SVIL: variants seen among roughly 807,000 people sequenced by gnomAD.
The protein encoded by SVIL is archvillin.
SVIL carries 101 observed loss-of-function variants against 240.4 expected under a neutral mutation model. The observed-to-expected ratio is 0.42, with a 90% CI of 0.36 to 0.50. The LOEUF (loss-of-function observed/expected upper bound fraction) is 0.50, where lower values mean the gene tolerates loss of function less well. Among genes scored for constraint, SVIL ranks in the 20% least tolerant of loss-of-function variants. The probability of loss-of-function intolerance (pLI) is 0.01; values close to 1 mark genes in which losing one functional copy is unlikely to be tolerated. For missense variants in SVIL, 2,512 were observed against 2,818.7 expected, an observed-to-expected ratio of 0.89 and a Z score of 2.46; for synonymous variants, 999 against 1,100.0, an observed-to-expected ratio of 0.91 and a Z score of 1.82.
At chr10:29,565,018 C>T (rs1954849727) in intron 2 of SVIL, among the ~76,000 whole-genome samples, 1 of 133,442 alleles carries the variant, frequency 7.5e-6, no homozygotes, top group Non-Finnish European at 1.7e-5. Context: ...ATTTAAACAT[C>T]TTGACAAAGC....
chr10:29,538,927 G>T (rs933154227), intron 6 of SVIL, among the ~76,000 whole-genome samples: 1 of 152,206 alleles, frequency 6.6e-6, no homozygotes, highest in Non-Finnish European at 1.5e-5. Flanking sequence ...CCTTTTGGAG[G>T]CTGAGGCAGG....
At chr10:29,513,451 G>A (rs917602237) in intron 16 of SVIL, among the ~76,000 whole-genome samples, 7 of 152,066 alleles carry the variant, frequency 4.6e-5, no homozygotes, top group African/African-American at 1.7e-4. Context: ...CACAAGAATC[G>A]CTTGAACCTG....
intron 17 of SVIL, among the ~76,000 whole-genome samples, chr10:29,501,107 C>T (rs7906981): frequency 0.27 from 41,205 of 150,268 alleles, 5,972 homozygotes; most frequent in South Asian, 0.36. Flanking sequence ...GAAGTGATTT[C>T]GAGGTCCCTG....
chr10:29,680,089 G>A (rs1589502362), intron 2 of SVIL, among the ~76,000 whole-genome samples: 2 of 152,274 alleles, frequency 1.3e-5, no homozygotes. Flanking sequence ...GGGGGCTTAG[G>A]TGGGAGGATC....
At chr10:29,510,322 C>T (rs998064540) in intron 17 of SVIL, among the ~76,000 whole-genome samples, 4 of 152,232 alleles carry the variant, frequency 2.6e-5, no homozygotes, top group Admixed American at 1.3e-4. Flanking sequence ...CATCCTTTAT[C>T]GTACTTTTTT....
intron 16 of SVIL, among the ~76,000 whole-genome samples, chr10:29,514,937 C>T (rs181853344): frequency 2.6e-5 from 4 of 152,304 alleles, no homozygotes; most frequent in African/African-American, 4.8e-5. Flanking sequence ...GCGACATCTA[C>T]GTATGTGTAC....
chr10:29,705,799 C>G (rs1564344228), intron 1 of SVIL, among the ~76,000 whole-genome samples: 1 of 152,144 alleles, frequency 6.6e-6, no homozygotes, highest in Non-Finnish European at 1.5e-5. Flanking sequence ...CATCCATGTC[C>G]CTGCAAAGGA....
At chr10:29,529,259 G>A (rs1205334208) in intron 12 of SVIL, among the ~76,000 whole-genome samples, 3 of 149,624 alleles carry the variant, frequency 2.0e-5, no homozygotes, top group Non-Finnish European at 4.4e-5. Flanking sequence ...TTATCTTTTA[G>A]AGGGGCGTAC....
At chr10:29,619,510 T>C (rs530442661) in intron 1 of SVIL, among the ~76,000 whole-genome samples, 1 of 152,200 alleles carries the variant, frequency 6.6e-6, no homozygotes, top group Non-Finnish European at 1.5e-5. Flanking sequence ...AAAGCTGGAA[T>C]GGAGAGCTCC....
chr10:29,472,302 A>G (rs1036315901), intron 30 of SVIL, among the ~76,000 whole-genome samples: 1 of 152,238 alleles, frequency 6.6e-6, no homozygotes, highest in African/African-American at 2.4e-5. Context: ...ATAAATTAAA[A>G]TGCAACTCTT....
chr10:29,589,257 C>T (rs990480921), intron 1 of SVIL, among the ~76,000 whole-genome samples: 9 of 152,196 alleles, frequency 5.9e-5, no homozygotes, highest in African/African-American at 1.7e-4. Flanking sequence ...ATCACATCAT[C>T]GCCCGCACGG....
chr10:29,495,381 T>G (rs2132418164), intron 18 of SVIL, among the ~76,000 whole-genome samples, 200 bp from the exon 19 acceptor site: 1 of 152,072 alleles, frequency 6.6e-6, no homozygotes, highest in Non-Finnish European at 1.5e-5. Flanking sequence ...ATTTTATTAT[T>G]TCCAAGGACT....
chr10:29,480,130 AT>A (rs1256285163), intron 29 of SVIL, among the ~76,000 whole-genome samples: 1 of 152,194 alleles, frequency 6.6e-6, no homozygotes, highest in East Asian at 1.9e-4. Flanking sequence ...TTACAGCACC[AT>A]TTGGTTCCAG....
At chr10:29,531,860 A>G in intron 9 of SVIL, 142 bp downstream of exon 9, 1 of 1,008,266 alleles carries the variant, frequency 9.9e-7, no homozygotes, top group East Asian at 2.4e-5. Context: ...AATAAGCCAA[A>G]TAAATAACGC....
chr10:29,646,325 C>T (rs944411187), intron 3 of SVIL, among the ~76,000 whole-genome samples: 1 of 152,162 alleles, frequency 6.6e-6, no homozygotes, highest in Non-Finnish European at 1.5e-5. Context: ...AGATTTTCCT[C>T]ATTAAGCAGT....
In SVIL at chr10:29,485,334, T is replaced by G. The variant is rs537240437; in HGVS notation, c.4780-503A>C. Reference sequence around the variant, plus strand: ...CATACAGGAGGGGTTGATTACTAAGTGTTTGCTGAATGAATACATGAATGT... The same window carrying G: ...CATACAGGAGGGGTTGATTACTAAGGGTTTGCTGAATGAATACATGAATGT... On this transcript the variant is annotated intron_variant, in intron 26 of 37. Coordinates refer to ENST00000355867, the MANE Select transcript of SVIL (RefSeq NM_021738.3). 8.5e-5 allele frequency among the ~76,000 whole-genome samples: 13 copies of G among 152,196 alleles called. No homozygotes were observed. In the South Asian group the frequency reaches 2.7e-3, roughly 32 times the overall value.
chr10:29,629,008 A>C (rs1957982706), intron 1 of SVIL, among the ~76,000 whole-genome samples: 2 of 152,056 alleles, frequency 1.3e-5, no homozygotes, highest in Admixed American at 1.3e-4. Flanking sequence ...CGGGGACATC[A>C]AAGTAACCAG....
intron 9 of SVIL, 30 bp from the exon 10 acceptor site, chr10:29,531,318 TACA>T: frequency 3.1e-6 from 5 of 1,603,174 alleles, no homozygotes; most frequent in Non-Finnish European, 4.3e-6. Context: ...ATAACAATAA[TACA>T]TTAGCAGGTG....
intron 16 of SVIL, among the ~76,000 whole-genome samples, chr10:29,517,249 CA>C (rs1399715593): frequency 6.6e-6 from 1 of 151,370 alleles, no homozygotes; most frequent in Non-Finnish European, 1.5e-5. Context: ...CCCGTCTCTA[CA>C]AAAAAATAAA....
Sources: gnomAD v4.1 joint callset for allele counts (sites outside exome capture counted in the v4.1 genomes callset) on GRCh38, gnomAD v4.1.1 for gene constraint, MANE v1.5 for transcripts, NCBI Gene and HGNC (gene_info 2026-07-23, HGNC 2026-07-21) for gene names.